The following CCN3 variants were observed in gnomAD, a reference collection of about 807,000 sequenced individuals.
CCN3 encodes the protein cellular communication network factor 3, also known as CCN family member 3.
CCN3 carries 20 observed loss-of-function variants against 33.4 expected under a neutral mutation model. That is an observed-to-expected ratio of 0.60 (90% CI 0.42 to 0.87). The LOEUF is 0.87. Ranked by LOEUF, CCN3 falls within the 40% of genes least tolerant of loss-of-function variation. CCN3 has a pLI of 0.00. For missense variants in CCN3, 465 were observed against 455.3 expected, an observed-to-expected ratio of 1.02 and a Z score of -0.19; for synonymous variants, 205 against 170.4, an observed-to-expected ratio of 1.20 and a Z score of -1.58.
chr8:119,416,531 G>A lies in CCN3; in HGVS notation c.-2G>A, dbSNP rs1347444050. 2 of 1,613,732 alleles carry A rather than the reference G, an allele frequency of 1.2e-6. No individual in the cohort carries two copies. Among genetic ancestry groups the A allele is most frequent in the East Asian group, 4.5e-5 (2 of 44,870 alleles). Reference sequence around the variant, plus strand: ...GTAAAAGCGAGAGGGGAAAGCCTGAGCATGCAGAGTGTGCAGAGCACGAGC... The same window carrying A: ...GTAAAAGCGAGAGGGGAAAGCCTGAACATGCAGAGTGTGCAGAGCACGAGC... On this transcript the variant is annotated 5_prime_UTR_variant, in exon 1 of 5. Coordinates refer to ENST00000259526, the MANE Select transcript of CCN3 (RefSeq NM_002514.4).
At chr8:119,419,797 G>A (rs779291839) in intron 4 of CCN3, 17 of 156,674 alleles carry the variant, frequency 1.1e-4, no homozygotes, top group South Asian at 9.8e-4. Flanking sequence ...TATTGTGTGC[G>A]TGATAAACAA....
At position 119,416,765 on chromosome 8, in the gene CCN3, C is replaced by T. The variant is rs759495040; in HGVS notation, c.106C>T (p.Pro36Ser). The stretch of plus-strand genomic sequence containing the variant: ...TCAGGTCGCTGCGACTCAGCGCTGC[C>T]CTCCCCAGTGCCCGGGCCGGTGCCC... ...LGQVAATQRCPPQCPGRCPAT... is the reference protein window; with the variant it reads ...LGQVAATQRCSPQCPGRCPAT... Residue 36 changes from proline (P) to serine (S), a missense_variant, in exon 2 of 5, where the codon CCT becomes TCT. Transcript: ENST00000259526. 1.3e-6 allele frequency: 2 copies of T among 1,591,920 alleles called. No homozygotes were observed.
Position 119,418,051 on chromosome 8 carries a change from AT to A in CCN3, c.311-5del. ...TTGCTTTTCACTTTGCTTCCCCAAT[AT>A]TCTAGCGGTAGAGGGAGATAACTGT... On this transcript the variant is annotated splice_region_variant and splice_polypyrimidine_tract_variant and intron_variant, in intron 2 of 4. Coordinates refer to ENST00000259526, the MANE Select transcript of CCN3 (RefSeq NM_002514.4). 1 of 1,606,568 alleles carries A rather than the reference AT, an allele frequency of 6.2e-7. No individual in the cohort carries two copies. Among genetic ancestry groups the A allele is most frequent in the Non-Finnish European group, 8.5e-7 (1 of 1,173,846 alleles).
chr8:119,421,235 T>TC, intron 4 of CCN3, among the ~76,000 whole-genome samples: 1 of 152,278 alleles, frequency 6.6e-6, no homozygotes, highest in East Asian at 1.9e-4. Flanking sequence ...GATCTTGATC[T>TC]CCTGACCTTG....
rs372428159 is a variant in CCN3, at chr8:119,422,855, G to A, written c.797G>A (p.Arg266His). Residue 266 changes from arginine to histidine, a missense_variant, in exon 5 of 5, where the codon CGC (arginine) becomes CAC (histidine). By Grantham distance (29) the Arg-to-His change is conservative. Coordinates refer to ENST00000259526, the MANE Select transcript of CCN3 (RefSeq NM_002514.4). Reference protein sequence around the residue: ...PTDKKGKKCLRTKKSLKAIHL... With the variant: ...PTDKKGKKCLHTKKSLKAIHL... Reference sequence around the variant, plus strand: ...TCTTAGAAAGGAAAAAAGTGTCTCCGCACCAAGAAGTCACTCAAAGCCATC... The same window carrying A: ...TCTTAGAAAGGAAAAAAGTGTCTCCACACCAAGAAGTCACTCAAAGCCATC... The A allele has an allele frequency of 8.1e-6, 13 of 1,605,956 alleles. No homozygotes were observed. The highest frequency in any genetic ancestry group is 3.4e-5 in the Admixed American group (2 of 59,028).
intron 3 of CCN3, 142 bp from the exon 4 acceptor site, chr8:119,418,989 T>G: frequency 1.6e-6 from 1 of 607,648 alleles, no homozygotes; most frequent in Non-Finnish European, 2.9e-6. Flanking sequence ...GATAAATAAA[T>G]TCAGTTCTGT....
rs988865137 is a variant in CCN3, at chr8:119,416,841, G to T, written c.182G>T (p.Cys61Phe). Reference protein sequence around the residue: ...APGVRAVLDGCSCCLVCARQR... With the variant: ...APGVRAVLDGFSCCLVCARQR... The stretch of plus-strand genomic sequence containing the variant: ...GGGGTGCGCGCGGTGCTGGACGGCT[G>T]CTCATGCTGTCTGGTGTGTGCCCGC... The change falls in exon 2 of 5, where the codon TGC (cysteine) becomes TTC (phenylalanine). Residue 61 changes from cysteine (C) to phenylalanine (F), a missense_variant. Cys to Phe is a radical substitution (Grantham distance 205, BLOSUM62 -2). Transcript: ENST00000259526. 1 of 1,612,586 alleles carries T rather than the reference G, an allele frequency of 6.2e-7. No individual in the cohort carries two copies. The highest frequency in any genetic ancestry group is 8.5e-7 in the Non-Finnish European group (1 of 1,179,636).
chr8:119,419,459 G>A (rs574099268), intron 4 of CCN3, 114 bp downstream of exon 4: 5 of 1,034,860 alleles, frequency 4.8e-6, no homozygotes, highest in Middle Eastern at 3.2e-4. Flanking sequence ...CTATAGCGGG[G>A]AGTTAACCCC....
At chr8:119,419,497 C>G (rs544385006) in intron 4 of CCN3, 152 bp downstream of exon 4, 1 of 679,140 alleles carries the variant, frequency 1.5e-6, no homozygotes, top group South Asian at 1.9e-5. Context: ...GTTCTTGAAG[C>G]CAGCCTATCT....
rs1049322676 is a variant in CCN3, at chr8:119,419,288, G to A, written c.720G>A (p.Gln240=). 6 of 1,614,058 alleles carry A rather than the reference G, an allele frequency of 3.7e-6. No individual in the cohort carries two copies. The African/African-American group carries it at 6.7e-5, about 18-fold the overall frequency. ...ACCGTCAATGTGAGATGCTGAAACAGACTCGGCTCTGCATGGTGCGGCCCT... is the reference window on the plus strand; with the variant it reads ...ACCGTCAATGTGAGATGCTGAAACAAACTCGGCTCTGCATGGTGCGGCCCT... The part of the protein sequence containing the change: ...NRNRQCEMLK[Q]TRLCMVRPCE... The change falls in exon 4 of 5, where the codon CAG becomes CAA. Residue 240 remains glutamine, a synonymous_variant. Transcript: ENST00000259526.
rs1352299834 is a variant in CCN3 at position 119,424,169 on chromosome 8, T to C, written c.*1037T>C. The stretch of plus-strand genomic sequence containing the variant: ...ATCAAGATATATGTGTATACATACA[T>C]GTATCTGGTTTGTCAGGCTACAAGG... On this transcript the variant is annotated 3_prime_UTR_variant, in exon 5 of 5. Coordinates refer to ENST00000259526, the MANE Select transcript of CCN3 (RefSeq NM_002514.4). The C allele has an allele frequency of 6.6e-6, 1 of 152,200 alleles. No individual in the cohort carries two copies. The highest frequency in any genetic ancestry group is 1.9e-4 in the East Asian group (1 of 5,198). 9.4% of individuals were successfully genotyped at this position (152,200 alleles called of 1,614,324 possible). A position where few individuals can be genotyped will look rare whatever the true frequency, so the allele number is the denominator to read the frequency against.
rs1252382287 is a variant in CCN3 at position 119,423,843 on chromosome 8, G to T, written c.*711G>T. ...GAAAACTCCCAATACAAAGATGACT[G>T]GTCCCTCATAGCCCTCAGACATTTA... On this transcript the variant is annotated 3_prime_UTR_variant, in exon 5 of 5. Coordinates refer to ENST00000259526, the MANE Select transcript of CCN3 (RefSeq NM_002514.4). The T allele has an allele frequency of 1.3e-5, 2 of 152,138 alleles. No individual in the cohort carries two copies. Among genetic ancestry groups the T allele is most frequent in the African/African-American group, 4.8e-5 (2 of 41,418 alleles). The allele number at this position is 152,138 out of a possible 1,614,324, so 9.4% of individuals were successfully genotyped here. A position where few individuals can be genotyped will look rare whatever the true frequency, so the allele number is the denominator to read the frequency against.
intron 4 of CCN3, among the ~76,000 whole-genome samples, chr8:119,422,364 G>A (rs1173431854): frequency 6.6e-6 from 1 of 151,996 alleles, no homozygotes; most frequent in Non-Finnish European, 1.5e-5. Context: ...AAGAGATTTG[G>A]GTATGAACAC....
chr8:119,423,140 C>A lies in CCN3; in HGVS notation c.*8C>A. On this transcript the variant is annotated 3_prime_UTR_variant, in exon 5 of 5. Coordinates refer to ENST00000259526, the MANE Select transcript of CCN3 (RefSeq NM_002514.4). ...ACCAGAGGGAAAATGTAACCTGTCA[C>A]TCAAGAAGCACACCTACAGAGCACC... is the stretch of plus-strand genomic sequence containing the variant. The A allele has an allele frequency of 6.2e-7, 1 of 1,609,472 alleles. No individual in the cohort carries two copies. The highest frequency in any genetic ancestry group is 8.5e-7 in the Non-Finnish European group (1 of 1,176,680).
chr8:119,416,904 A>G lies in CCN3; in HGVS notation c.245A>G (p.Asp82Gly), dbSNP rs745706665. Reference protein sequence around the residue: ...GESCSDLEPCDESSGLYCDRS... With the variant: ...GESCSDLEPCGESSGLYCDRS... ...AGCTGCTCAGATCTGGAGCCATGCGACGAGAGCAGTGGCCTCTACTGTGAT... is the reference window on the plus strand; with the variant it reads ...AGCTGCTCAGATCTGGAGCCATGCGGCGAGAGCAGTGGCCTCTACTGTGAT... Residue 82 changes from aspartate (D) to glycine (G), a missense_variant, in exon 2 of 5, where the codon GAC becomes GGC. Transcript: ENST00000259526. 1.9e-6 allele frequency: 3 copies of G among 1,614,028 alleles called. No individual in the cohort carries two copies. In the South Asian group the frequency reaches 3.3e-5, roughly 18 times the overall value.
intron 3 of CCN3, 92 bp downstream of exon 3, chr8:119,418,401 T>C: frequency 2.0e-6 from 3 of 1,498,702 alleles, no homozygotes; most frequent in Non-Finnish European, 2.7e-6. Flanking sequence ...AAAGAGAAAC[T>C]GGCCTCAGTT....
At chr8:119,418,474 G>C (rs1820083038) in intron 3 of CCN3, among the ~76,000 whole-genome samples, 165 bp downstream of exon 3, 1 of 152,158 alleles carries the variant, frequency 6.6e-6, no homozygotes, top group Admixed American at 6.6e-5. Context: ...GTAGACATTA[G>C]ATCAAACATA....
At chr8:119,419,715 G>A (rs760130279) in intron 4 of CCN3, among the ~76,000 whole-genome samples, 13 of 152,242 alleles carry the variant, frequency 8.5e-5, no homozygotes, top group Admixed American at 4.6e-4. Flanking sequence ...CTCTTTATTC[G>A]TCAGGTTCTG....
At chr8:119,417,020 G>A (rs778818208) in intron 2 of CCN3, 51 bp downstream of exon 2, 33 of 1,471,258 alleles carry the variant, frequency 2.2e-5, no homozygotes, top group Middle Eastern at 1.8e-4. Context: ...GCTAAGTGAA[G>A]CTGCTTCCTC....
Sources: allele counts gnomAD v4.1 joint callset (sites outside exome capture counted in the v4.1 genomes callset), GRCh38; gene constraint gnomAD v4.1.1; transcripts MANE v1.5; gene names NCBI Gene and HGNC (gene_info 2026-07-23, HGNC 2026-07-21).